The following POLA1 variants were observed in gnomAD, a reference collection of about 807,000 sequenced individuals.
POLA1 encodes the protein DNA polymerase alpha catalytic subunit.
POLA1 carries 15 observed loss-of-function variants against 124.0 expected under a neutral mutation model. The ratio of observed to expected loss-of-function variants is 0.12; its 90% CI spans 0.08 to 0.19. POLA1 has a LOEUF of 0.19. Among genes scored for constraint, POLA1 ranks in the 10% least tolerant of loss-of-function variants. The probability of loss-of-function intolerance (pLI) is 1.00; values close to 1 mark genes in which losing one functional copy is unlikely to be tolerated. For synonymous variants in POLA1, 408 were observed against 389.4 expected (o/e 1.05, Z -0.56); for missense variants, 886 against 1,103.4 (o/e 0.80, Z 2.79).
intron 36 of POLA1, among the ~76,000 whole-genome samples, chrX:24,991,957 T>C (rs1189901781): frequency 1.8e-5 from 2 of 112,218 alleles, no homozygotes; most frequent in African/African-American, 3.2e-5. Flanking sequence ...GCACTGTGCC[T>C]TGTGAATTTT....
intron 35 of POLA1, among the ~76,000 whole-genome samples, chrX:24,927,548 G>T (rs917837332): frequency 9.0e-6 from 1 of 111,473 alleles, no homozygotes; most frequent in African/African-American, 3.3e-5. Flanking sequence ...AATGCAGAGC[G>T]TGATACATAC....
intron 34 of POLA1, among the ~76,000 whole-genome samples, chrX:24,871,527 G>T (rs2046863662): frequency 8.9e-6 from 1 of 112,107 alleles, no homozygotes; most frequent in East Asian, 2.8e-4. Context: ...TCAGTGCTAG[G>T]AATGTGTATA....
intron 20 of POLA1, among the ~76,000 whole-genome samples, chrX:24,740,514 A>G (rs189838436): frequency 8.9e-6 from 1 of 112,032 alleles, no homozygotes; most frequent in Admixed American, 9.5e-5. Context: ...GTCAGATGTG[A>G]TACTCTGCTC....
chrX:24,954,210 T>C (rs1050405956), intron 36 of POLA1, among the ~76,000 whole-genome samples: 28 of 112,494 alleles, frequency 2.5e-4, no homozygotes, highest in Non-Finnish European at 5.2e-4. Flanking sequence ...AAGTATTGTC[T>C]CTTTTGAACT....
intron 20 of POLA1, 85 bp downstream of exon 20, chrX:24,739,635 A>T: frequency 1.7e-6 from 1 of 573,476 alleles, no homozygotes; most frequent in Non-Finnish European, 2.7e-6. Flanking sequence ...GTCTGGAGGG[A>T]CATGAGCCAG....
chrX:24,788,909 C>T lies in POLA1; in HGVS notation c.2965-20989C>T, dbSNP rs761784662. On this transcript the variant is annotated intron_variant, in intron 26 of 36. Coordinates refer to ENST00000379068, the MANE Select transcript of POLA1 (RefSeq NM_001330360.2). ...GTAAGACTTGATGTGATTATACCAA[C>T]GTAGGGCATGACACAAGTCGGCAGG... 552 of 1,200,262 alleles carry T rather than the reference C, an allele frequency of 4.6e-4. 3 individuals are homozygous for T. The South Asian group carries it at 9.1e-3, about 20-fold the overall frequency.
chrX:24,965,352 G>C (rs1229779242), intron 36 of POLA1, among the ~76,000 whole-genome samples: 1 of 112,302 alleles, frequency 8.9e-6, no homozygotes, highest in African/African-American at 3.2e-5. Flanking sequence ...TGGTCCCTCA[G>C]CCCAAATCTG....
intron 32 of POLA1, among the ~76,000 whole-genome samples, chrX:24,840,799 G>A (rs979145832): frequency 1.8e-5 from 2 of 111,638 alleles, no homozygotes; most frequent in African/African-American, 6.5e-5. Flanking sequence ...GCATCCCTTA[G>A]CAATCCCTAA....
intron 36 of POLA1, among the ~76,000 whole-genome samples, chrX:24,980,912 A>G (rs979458854): frequency 1.8e-5 from 2 of 111,859 alleles, no homozygotes; most frequent in African/African-American, 3.3e-5. Flanking sequence ...GTGGGTACCT[A>G]TATTATTTAT....
intron 36 of POLA1, among the ~76,000 whole-genome samples, chrX:24,977,937 C>T (rs1373720431): frequency 9.0e-6 from 1 of 111,272 alleles, no homozygotes; most frequent in African/African-American, 3.3e-5. Flanking sequence ...TACTTTGAAC[C>T]GGTCTTCACT....
At chrX:24,737,771 CTATT>C (rs759602486) in intron 19 of POLA1, 30 bp downstream of exon 19, 6 of 739,047 alleles carry the variant, frequency 8.1e-6, no homozygotes, top group South Asian at 2.5e-5. Flanking sequence ...TCTTATTTAT[CTATT>C]TATTTTAATT....
intron 32 of POLA1, among the ~76,000 whole-genome samples, chrX:24,832,406 G>C (rs1441397911): frequency 8.9e-6 from 1 of 111,852 alleles, no homozygotes; most frequent in Non-Finnish European, 1.9e-5. Context: ...GCCCACAATA[G>C]AGGGCCAGTA....
chrX:24,880,067 G>T (rs2046983468), intron 34 of POLA1, among the ~76,000 whole-genome samples: 1 of 111,732 alleles, frequency 8.9e-6, no homozygotes, highest in African/African-American at 3.3e-5. Context: ...AGCAGACCAA[G>T]TCGCTAATTT....
intron 35 of POLA1, among the ~76,000 whole-genome samples, chrX:24,901,593 T>G (rs1327176765): frequency 9.0e-6 from 1 of 111,497 alleles, no homozygotes; most frequent in African/African-American, 3.3e-5. Flanking sequence ...GTGCAGTATC[T>G]GACTAAGTTG....
At chrX:24,952,708 G>A (rs1032808357) in intron 36 of POLA1, among the ~76,000 whole-genome samples, 1 of 112,190 alleles carries the variant, frequency 8.9e-6, no homozygotes, top group Non-Finnish European at 1.9e-5. Context: ...CAGTTTTTTA[G>A]TAGTTTGTTG....
intron 36 of POLA1, among the ~76,000 whole-genome samples, chrX:24,977,613 C>A (rs1242915059): frequency 1.8e-5 from 2 of 111,904 alleles, no homozygotes; most frequent in Admixed American, 9.4e-5. Context: ...GGGAAGTTTT[C>A]TTGAATTTCT....
At chrX:24,744,649 G>T in intron 23 of POLA1, 1 of 321,212 alleles carries the variant, frequency 3.1e-6, no homozygotes, top group Non-Finnish European at 5.7e-6. Context: ...TTTTGAAGCT[G>T]TTGTAAAAGA....
intron 34 of POLA1, among the ~76,000 whole-genome samples, chrX:24,855,150 T>G (rs2147087655): frequency 9.0e-6 from 1 of 111,690 alleles, no homozygotes; most frequent in Non-Finnish European, 1.9e-5. Flanking sequence ...TACAAGAATG[T>G]TAATAGTGAT....
chrX:24,970,335 C>T (rs1393828895), intron 36 of POLA1, among the ~76,000 whole-genome samples: 1 of 111,976 alleles, frequency 8.9e-6, no homozygotes, highest in African/African-American at 3.2e-5. Flanking sequence ...CATGTAAAAC[C>T]CAAAACTATA....
Sources: gnomAD v4.1 joint callset for allele counts (sites outside exome capture counted in the v4.1 genomes callset) on GRCh38, gnomAD v4.1.1 for gene constraint, MANE v1.5 for transcripts, NCBI Gene and HGNC (gene_info 2026-07-23, HGNC 2026-07-21) for gene names.